UGT1A6: variants seen among roughly 807,000 people sequenced by gnomAD.
UGT1A6 encodes the protein UDP glucuronosyltransferase family 1 member A6.
UGT1A6 carries 32 observed loss-of-function variants against 44.4 expected under a neutral mutation model. That is an observed-to-expected ratio of 0.72 (90% CI 0.54 to 0.97). UGT1A6 has a LOEUF of 0.97. Ranked by LOEUF, UGT1A6 falls within the 50% of genes least tolerant of loss-of-function variation. UGT1A6 has a pLI of 0.00. For missense variants in UGT1A6, 685 were observed against 661.9 expected (o/e 1.03, Z -0.38); for synonymous variants, 238 against 248.5 (o/e 0.96, Z 0.40).
In UGT1A6 at chr2:233,754,506, C is replaced by T. The variant is rs1695499420; in HGVS notation, c.862-12528C>T. 9 of 356,440 alleles carry T rather than the reference C, an allele frequency of 2.5e-5. 1 individual carries two copies. Among genetic ancestry groups the T allele is most frequent in the Middle Eastern group, 3.8e-4 (1 of 2,606 alleles). The allele number at this position is 356,440 out of a possible 1,614,324, so 22.1% of individuals were successfully genotyped here. ...TCAATCCTAAAAAAAGTCCGCTATT[C>T]CTCCAGATGTGCTTAAAGGCAAATG... On this transcript the variant is annotated intron_variant, in intron 1 of 4. Transcript: ENST00000305139.
At chr2:233,746,140 G>A (rs779278440) in intron 1 of UGT1A6, among the ~76,000 whole-genome samples, 6 of 151,874 alleles carry the variant, frequency 4.0e-5, no homozygotes, top group Non-Finnish European at 8.8e-5. Context: ...TGGCACCTGA[G>A]TGATAGCATG....
intron 1 of UGT1A6, chr2:233,760,350 C>T (rs1374994213): frequency 1.2e-6 from 2 of 1,613,944 alleles, no homozygotes; most frequent in African/African-American, 2.7e-5. Context: ...GTGTGCTGGG[C>T]CCAGTGGTGT....
chr2:233,743,918 C>T, intron 1 of UGT1A6: 1 of 1,363,786 alleles, frequency 7.3e-7, no homozygotes, highest in East Asian at 4.6e-5. Context: ...GTCCACCATG[C>T]TGGATGGCCA....
At chr2:233,725,411 A>G (rs1339557332) in intron 1 of UGT1A6, among the ~76,000 whole-genome samples, 2 of 151,802 alleles carry the variant, frequency 1.3e-5, no homozygotes, top group Non-Finnish European at 2.9e-5. Context: ...TCTAATACAG[A>G]ATTGTCCAAT....
At chr2:233,752,961 T>G (rs1695097435) in intron 1 of UGT1A6, among the ~76,000 whole-genome samples, 1 of 152,248 alleles carries the variant, frequency 6.6e-6, no homozygotes, top group African/African-American at 2.4e-5. Context: ...ATGGGATTTA[T>G]GTAACCAATT....
intron 1 of UGT1A6, among the ~76,000 whole-genome samples, chr2:233,766,588 C>T (rs1357032158): frequency 3.3e-5 from 5 of 152,174 alleles, no homozygotes; most frequent in Non-Finnish European, 5.9e-5. Flanking sequence ...GGGTGGAGCC[C>T]TCGCCAGGGA....
At chr2:233,743,470 G>T in intron 1 of UGT1A6, 1 of 1,366,762 alleles carries the variant, frequency 7.3e-7, no homozygotes, top group Non-Finnish European at 9.8e-7. Flanking sequence ...ACCCCCAAAA[G>T]CTGGAAATTC....
At position 233,768,268 on chromosome 2, in the gene UGT1A6, T is replaced by A; in HGVS notation, c.1130T>A (p.Val377Asp). The change falls in exon 4 of 5, where the codon GTT becomes GAT. Residue 377 changes from valine to aspartate, a missense_variant. By Grantham distance (152) the Val-to-Asp change is radical. Coordinates refer to ENST00000305139, the MANE Select transcript of UGT1A6 (RefSeq NM_001072.4). ...AFITHAGSHG[V>D]YESICNGVPM... Reference sequence around the variant, plus strand: ...ATCACCCATGCTGGTTCCCATGGTGTTTATGAAAGCATATGCAATGGCGTT... The same window carrying A: ...ATCACCCATGCTGGTTCCCATGGTGATTATGAAAGCATATGCAATGGCGTT... 1 of 1,614,178 alleles carries A rather than the reference T, an allele frequency of 6.2e-7. No homozygotes were observed. The highest frequency in any genetic ancestry group is 8.5e-7 in the Non-Finnish European group (1 of 1,180,024).
rs28900383 is a variant in UGT1A6, at chr2:233,748,795, A to T, written c.862-18239A>T. Among the ~76,000 whole-genome samples the T allele has an allele frequency of 9.8e-3, 1,488 of 151,368 alleles. 50 individuals are homozygous for T. The highest frequency in any genetic ancestry group is 0.035 in the African/African-American group (1,419 of 40,884). ...ATTGGGTCTTCTACTTGGAATGCTGAAATTATCAAGAAATTGTGGAAGGGT... is the reference window on the plus strand; with the variant it reads ...ATTGGGTCTTCTACTTGGAATGCTGTAATTATCAAGAAATTGTGGAAGGGT... On this transcript the variant is annotated intron_variant, in intron 1 of 4. Transcript: ENST00000305139.
intron 1 of UGT1A6, among the ~76,000 whole-genome samples, chr2:233,732,958 C>G (rs75520741): frequency 0.048 from 7,267 of 152,142 alleles, 252 homozygotes; most frequent in East Asian, 0.16. Flanking sequence ...AATGTTCTTC[C>G]ATTTGTTTGT....
intron 1 of UGT1A6, among the ~76,000 whole-genome samples, chr2:233,726,140 C>T (rs529901709): frequency 3.9e-5 from 6 of 152,258 alleles, no homozygotes; most frequent in Non-Finnish European, 7.4e-5. Flanking sequence ...CACTCCAGCC[C>T]GAGTGACAGA....
chr2:233,712,916 G>T (rs2076260625), intron 1 of UGT1A6: 4 of 1,611,516 alleles, frequency 2.5e-6, no homozygotes, highest in Non-Finnish European at 3.4e-6. Context: ...CAGTGACAAG[G>T]TAATTAAGAC....
chr2:233,752,046 G>A (rs1694879405), intron 1 of UGT1A6, among the ~76,000 whole-genome samples: 1 of 152,240 alleles, frequency 6.6e-6, no homozygotes, highest in African/African-American at 2.4e-5. Flanking sequence ...AAGCTGTTGT[G>A]TGAATGATTT....
At chr2:233,742,829 C>T (rs1399868443) in intron 1 of UGT1A6, 1 of 154,656 alleles carries the variant, frequency 6.5e-6, no homozygotes, top group Non-Finnish European at 1.4e-5. Context: ...TAGATTTCAC[C>T]ACTACACACT....
chr2:233,740,379 T>C (rs1691378292), intron 1 of UGT1A6, among the ~76,000 whole-genome samples: 1 of 151,912 alleles, frequency 6.6e-6, no homozygotes, highest in Admixed American at 6.5e-5. Flanking sequence ...AGGTAAGTTG[T>C]TGTGTGAATT....
intron 1 of UGT1A6, chr2:233,719,110 C>T (rs2076727288): frequency 1.9e-6 from 3 of 1,614,270 alleles, no homozygotes; most frequent in Non-Finnish European, 2.5e-6. Context: ...CTGGGCTACA[C>T]TCAAGGGTTC....
chr2:233,743,731 G>A (rs373030535), intron 1 of UGT1A6: 15 of 1,367,244 alleles, frequency 1.1e-5, no homozygotes, highest in Middle Eastern at 2.1e-4. Flanking sequence ...CATAGATATC[G>A]CGTTTCTTGG....
At chr2:233,767,212 G>T (rs377453564) in intron 2 of UGT1A6, 47 bp downstream of exon 2, 3 of 1,612,180 alleles carry the variant, frequency 1.9e-6, no homozygotes, top group Admixed American at 3.3e-5. Flanking sequence ...TCACAGGAGC[G>T]CTAATCCCAG....
chr2:233,724,364 G>A lies in UGT1A6; in HGVS notation c.861+30499G>A, dbSNP rs1172748596. Among the ~76,000 whole-genome samples the A allele has an allele frequency of 6.2e-5, 9 of 145,640 alleles. 1 individual carries two copies. Among genetic ancestry groups the A allele is most frequent in the Admixed American group, 2.7e-4 (4 of 14,670 alleles). ...GACCCCCCCCACCTCCCTCCCGGAC[G>A]GGGTGGCTGCCGGGCGGAGACGCTC... On this transcript the variant is annotated intron_variant, in intron 1 of 4. Coordinates refer to ENST00000305139, the MANE Select transcript of UGT1A6 (RefSeq NM_001072.4).
Sources: allele counts gnomAD v4.1 joint callset (sites outside exome capture counted in the v4.1 genomes callset), GRCh38; gene constraint gnomAD v4.1.1; transcripts MANE v1.5; gene names NCBI Gene and HGNC (gene_info 2026-07-23, HGNC 2026-07-21).